CREG2: variants seen among roughly 807,000 people sequenced by gnomAD.
The protein encoded by CREG2 is protein CREG2.
CREG2 carries 24 observed loss-of-function variants against 26.2 expected under a neutral mutation model. The observed-to-expected ratio is 0.92, with a 90% CI of 0.66 to 1.29. The LOEUF is 1.29. CREG2 is among the 50% of genes most tolerant of loss of function. CREG2 has a pLI of 0.00. For missense variants in CREG2, 366 were observed against 398.6 expected (o/e 0.92, Z 0.70); for synonymous variants, 174 against 169.2 (o/e 1.03, Z -0.22).
chr2:101,387,197 G>A lies in CREG2; in HGVS notation c.261C>T (p.Pro87=). 1 of 1,366,400 alleles carries A rather than the reference G, an allele frequency of 7.3e-7. No individual in the cohort carries two copies. The highest frequency in any genetic ancestry group is 9.6e-7 in the Non-Finnish European group (1 of 1,045,810). The allele number at this position is 1,366,400 out of a possible 1,614,324, so 84.6% of individuals were successfully genotyped here. A position where few individuals can be genotyped will look rare whatever the true frequency, so the allele number is the denominator to read the frequency against. Residue 87 remains proline (P), a synonymous_variant, in exon 1 of 4, where the codon CCC becomes CCT. Coordinates refer to ENST00000324768, the MANE Select transcript of CREG2 (RefSeq NM_153836.4). This position sits in a 1 kb window ranked among gnomAD's most constrained non-coding sequence, Gnocchi z 4.7. ...SAHKEDAHLR[P]RAGAARARPP... is the part of the protein sequence containing the mutation. The stretch of plus-strand genomic sequence containing the variant: ...GCCTGGCCCGGGCGGCGCCCGCCCG[G>A]GGCCGCAGGTGCGCGTCCTCCTTGT...
intron 2 of CREG2, among the ~76,000 whole-genome samples, chr2:101,371,457 A>G (rs1416136881): frequency 1.3e-5 from 2 of 152,144 alleles, no homozygotes; most frequent in African/African-American, 4.8e-5. Context: ...CAGGATTGGA[A>G]CTGTCTGTAG....
chr2:101,360,325 C>T (rs917274266), intron 2 of CREG2, among the ~76,000 whole-genome samples: 2 of 152,124 alleles, frequency 1.3e-5, no homozygotes, highest in Admixed American at 6.5e-5. Context: ...CTGTGGCTTG[C>T]GTGTTCCTGG....
intron 3 of CREG2, among the ~76,000 whole-genome samples, chr2:101,354,640 G>A (rs779731610): frequency 3.9e-5 from 6 of 152,136 alleles, no homozygotes; most frequent in Non-Finnish European, 5.9e-5. Context: ...CCACCCCCGC[G>A]TGCATGCGCG....
At chr2:101,375,179 C>T (rs1684770969) in intron 2 of CREG2, among the ~76,000 whole-genome samples, 1 of 152,194 alleles carries the variant, frequency 6.6e-6, no homozygotes, top group African/African-American at 2.4e-5. Context: ...TTTGCATCTT[C>T]AATATGCGCC....
intron 2 of CREG2, 31 bp from the exon 3 acceptor site, chr2:101,355,397 G>A: frequency 1.4e-6 from 2 of 1,401,522 alleles, no homozygotes; most frequent in Non-Finnish European, 2.0e-6. Context: ...TTGTATATCA[G>A]AACAAGGACA....
chr2:101,386,392 T>C (rs137928116), intron 1 of CREG2, among the ~76,000 whole-genome samples: 1 of 152,378 alleles, frequency 6.6e-6, no homozygotes, highest in East Asian at 1.9e-4. Context: ...ATCCATGTCA[T>C]TCTAGGTGGA....
intron 2 of CREG2, among the ~76,000 whole-genome samples, chr2:101,381,614 A>G (rs895700784): frequency 6.6e-6 from 1 of 152,232 alleles, no homozygotes; most frequent in African/African-American, 2.4e-5. Context: ...AAGCTTAAAC[A>G]GTGTCAGGGG....
intron 2 of CREG2, among the ~76,000 whole-genome samples, chr2:101,377,655 G>C (rs1383859951): frequency 6.6e-6 from 1 of 152,198 alleles, no homozygotes; most frequent in Non-Finnish European, 1.5e-5. Context: ...CTGATTGCAA[G>C]TGACTCTTTT....
chr2:101,355,010 G>C (rs551655223), intron 3 of CREG2, among the ~76,000 whole-genome samples: 3 of 152,136 alleles, frequency 2.0e-5, no homozygotes, highest in Non-Finnish European at 4.4e-5. Flanking sequence ...CATTGTCAAA[G>C]GTTGGAAGTA....
At chr2:101,372,033 A>G (rs1160802224) in intron 2 of CREG2, among the ~76,000 whole-genome samples, 1 of 152,206 alleles carries the variant, frequency 6.6e-6, no homozygotes, top group African/African-American at 2.4e-5. Context: ...CAGGTTGGGC[A>G]GGAGCTGGAG....
In CREG2 at chr2:101,368,071, G is replaced by A. The variant is rs556412665; in HGVS notation, c.612-12705C>T. 5.8e-4 allele frequency among the ~76,000 whole-genome samples: 89 copies of A among 152,196 alleles called. 1 individual carries two copies. The highest frequency in any genetic ancestry group is 1.7e-3 in the African/African-American group (69 of 41,544). ...TGGGAGGCTGAGGTGAGCAGATCAC[G>A]AGGTCAGGAGTTCGAGACCAGCCTG... On this transcript the variant is annotated intron_variant, in intron 2 of 3. Coordinates refer to ENST00000324768, the MANE Select transcript of CREG2 (RefSeq NM_153836.4).
intron 1 of CREG2, among the ~76,000 whole-genome samples, chr2:101,385,432 C>T (rs1378309020): frequency 1.3e-5 from 2 of 152,050 alleles, no homozygotes; most frequent in African/African-American, 4.8e-5. Context: ...CTGCCCGCCT[C>T]GGCCTCCCAA....
intron 3 of CREG2, 22 bp from the exon 4 acceptor site, chr2:101,351,092 A>C (rs1381938457): frequency 6.2e-7 from 1 of 1,611,066 alleles, no homozygotes; most frequent in African/African-American, 1.3e-5. Context: ...AAGAGAGACC[A>C]CAGTAAAGCT....
Position 101,383,632 on chromosome 2 carries a change from G to C in CREG2, c.512C>G (p.Pro171Arg). 6.2e-7 allele frequency: 1 copy of C among 1,614,130 alleles called. No individual in the cohort carries two copies. The highest frequency in any genetic ancestry group is 8.5e-7 in the Non-Finnish European group (1 of 1,179,992). The change falls in exon 2 of 4, where the codon CCT (proline) becomes CGT (arginine). Residue 171 changes from proline (P) to arginine (R), a missense_variant. Physicochemically the swap from Pro to Arg is moderately radical, Grantham distance 103 (BLOSUM62 -2). Around this residue, in one of 3 missense-constraint regions of CREG2, gnomAD observed 174 missense variants for 178.2 expected, o/e 0.98. Coordinates refer to ENST00000324768, the MANE Select transcript of CREG2 (RefSeq NM_153836.4). ...DGPFNNSTGI[P>R]FFYMTAKDPV... ...GTCCTTGGCTGTCATGTAGAAGAAA[G>C]GAATCCCAGTGCTATTGTTGAAGGG...
At chr2:101,354,126 T>A (rs1684419895) in intron 3 of CREG2, among the ~76,000 whole-genome samples, 1 of 151,500 alleles carries the variant, frequency 6.6e-6, no homozygotes, top group Non-Finnish European at 1.5e-5. Context: ...AAAATAAAAA[T>A]AAAAAAAGAA....
chr2:101,381,325 G>T (rs928772971), intron 2 of CREG2, among the ~76,000 whole-genome samples: 2 of 152,262 alleles, frequency 1.3e-5, no homozygotes, highest in Admixed American at 1.3e-4. Context: ...GTTTATTCGG[G>T]GCTCTTTTTC....
chr2:101,363,017 C>G (rs1684566349), intron 2 of CREG2, among the ~76,000 whole-genome samples: 2 of 152,256 alleles, frequency 1.3e-5, no homozygotes, highest in South Asian at 4.1e-4. Flanking sequence ...ACCCAGCACT[C>G]AACAGGTGGC....
chr2:101,354,272 TA>T (rs1466850608), intron 3 of CREG2, among the ~76,000 whole-genome samples: 2 of 151,806 alleles, frequency 1.3e-5, no homozygotes, highest in East Asian at 3.9e-4. Context: ...AAAATAAAAA[TA>T]AAAAATAAAA....
chr2:101,367,573 G>A (rs1684636779), intron 2 of CREG2, among the ~76,000 whole-genome samples: 1 of 152,156 alleles, frequency 6.6e-6, no homozygotes, highest in Non-Finnish European at 1.5e-5. Flanking sequence ...CCATCCTGAG[G>A]TAGGTGGAAT....
Sources: gnomAD v4.1 joint callset for allele counts (sites outside exome capture counted in the v4.1 genomes callset) on GRCh38, gnomAD v4.1.1 for gene constraint, gnomAD v4.1.1 regional missense constraint, Gnocchi (gnomAD v3.1) non-coding constraint, MANE v1.5 for transcripts, NCBI Gene and HGNC (gene_info 2026-07-23, HGNC 2026-07-21) for gene names.